COL24A1: variants seen among roughly 807,000 people sequenced by gnomAD.
The protein encoded by COL24A1 is collagen alpha-1(XXIV) chain.
COL24A1 carries 224 observed loss-of-function variants against 253.9 expected under a neutral mutation model. The ratio of observed to expected loss-of-function variants is 0.88; its 90% confidence interval spans 0.79 to 0.99. The LOEUF (loss-of-function observed/expected upper bound fraction) is 0.99. Ranked by LOEUF, COL24A1 falls within the 50% of genes least tolerant of loss-of-function variation. COL24A1 has a pLI of 0.00. For synonymous variants in COL24A1, 685 were observed against 673.7 expected, an observed-to-expected ratio of 1.02 and a Z score of -0.26; for missense variants, 2,131 against 2,068.5, an observed-to-expected ratio of 1.03 and a Z score of -0.59.
Position 85,730,624 on chromosome 1 carries a change from CA to C in COL24A1, c.5066del (p.Val1689GlyfsTer77). The C allele has an allele frequency of 6.2e-7, 1 of 1,613,976 alleles. No individual in the cohort carries two copies. Among genetic ancestry groups the C allele is most frequent in the South Asian group, 1.1e-5 (1 of 91,072 alleles). On this transcript the variant is annotated frameshift_variant, in exon 60 of 60. Transcript: ENST00000370571. LOFTEE classifies it high-confidence loss of function. ...FHTQEPNQLP[V>X]IEVQKLPHLK... is the part of the protein sequence containing the mutation. ...GATGAGGAAGTTTTTGTACTTCAAT[CA>C]CTGGAAGTTGATTAGGTTCCTGGGT...
chr1:85,827,887 C>A (rs374358301), intron 43 of COL24A1, among the ~76,000 whole-genome samples: 78 of 151,828 alleles, frequency 5.1e-4, no homozygotes, highest in Admixed American at 5.3e-4. Flanking sequence ...TGGATTCATT[C>A]ATTTTTTGAA....
At chr1:85,846,251 T>C (rs889008800) in intron 39 of COL24A1, among the ~76,000 whole-genome samples, 4 of 151,782 alleles carry the variant, frequency 2.6e-5, no homozygotes, top group African/African-American at 9.7e-5. Context: ...AAAACCTCCA[T>C]ACATCTTAAA....
chr1:85,945,000 GTGTTTTTTTTTT>G (rs1188508347), intron 24 of COL24A1, among the ~76,000 whole-genome samples: 1,045 of 36,048 alleles, frequency 0.029, 77 homozygotes, highest in African/African-American at 0.096. Context: ...GTCTATCATT[GTGTTTTTTTTTT>G]TTTTTTTTTT....
intron 25 of COL24A1, among the ~76,000 whole-genome samples, chr1:85,910,830 T>G (rs1035663512): frequency 6.6e-6 from 1 of 151,826 alleles, no homozygotes; most frequent in Non-Finnish European, 1.5e-5. Flanking sequence ...GACTATGTGG[T>G]ACTATTCTAA....
chr1:85,984,831 C>T (rs750000708), intron 20 of COL24A1, among the ~76,000 whole-genome samples: 1 of 151,804 alleles, frequency 6.6e-6, no homozygotes, highest in Non-Finnish European at 1.5e-5. Flanking sequence ...TCCTGAGTTG[C>T]CTATTTAAGT....
At chr1:85,969,421 A>G (rs1691900505) in intron 22 of COL24A1, among the ~76,000 whole-genome samples, 1 of 152,000 alleles carries the variant, frequency 6.6e-6, no homozygotes, top group African/African-American at 2.4e-5. Context: ...CCTGATCAAC[A>G]TGGTAAAACC....
chr1:86,049,154 T>C (rs1236611947), intron 11 of COL24A1, among the ~76,000 whole-genome samples: 1 of 152,216 alleles, frequency 6.6e-6, no homozygotes, highest in Non-Finnish European at 1.5e-5. Context: ...TTTTTTGCTA[T>C]TGAACAAAAC....
At position 85,960,883 on chromosome 1, in the gene COL24A1, CAATAAATAAATA is replaced by C. The variant is rs71078631; in HGVS notation, c.2562+354_2562+365del. 121 of 160,116 alleles carry C rather than the reference CAATAAATAAATA, an allele frequency of 7.6e-4. 1 individual carries two copies. The highest frequency in any genetic ancestry group is 2.8e-3 in the Middle Eastern group (1 of 354). The allele number at this position is 160,116 out of a possible 1,614,324, so 9.9% of individuals were successfully genotyped here. ...TGGGTGACAGAGCAAGACTCCATCT[CAATAAATAAATA>C]AATAAATAAATAAATAAATAAATAA... On this transcript the variant is annotated intron_variant, in intron 24 of 59. Transcript: ENST00000370571.
At chr1:85,787,277 A>G (rs959351114) in intron 47 of COL24A1, among the ~76,000 whole-genome samples, 1 of 151,764 alleles carries the variant, frequency 6.6e-6, no homozygotes, top group African/African-American at 2.4e-5. Flanking sequence ...AATGTGTGCC[A>G]TGGTGATTTG....
chr1:85,985,991 T>C (rs940182391), intron 20 of COL24A1, among the ~76,000 whole-genome samples: 10 of 151,872 alleles, frequency 6.6e-5, no homozygotes, highest in African/African-American at 2.4e-4. Flanking sequence ...CAAGTTTCTT[T>C]TTCCTGAATA....
chr1:86,099,799 G>T (rs750457302), intron 5 of COL24A1, among the ~76,000 whole-genome samples: 6 of 152,006 alleles, frequency 3.9e-5, no homozygotes, highest in Admixed American at 2.6e-4. Context: ...GTTTCCACCT[G>T]TCTCCCACCC....
chr1:85,888,861 C>T (rs1056010231), intron 32 of COL24A1, among the ~76,000 whole-genome samples: 3 of 151,932 alleles, frequency 2.0e-5, no homozygotes, highest in East Asian at 1.9e-4. Flanking sequence ...TTGTGTCAAC[C>T]GATAATAAAA....
At chr1:85,985,578 T>C (rs1693656025) in intron 20 of COL24A1, among the ~76,000 whole-genome samples, 2 of 151,814 alleles carry the variant, frequency 1.3e-5, no homozygotes, top group South Asian at 2.1e-4. Flanking sequence ...AAATGCCAGA[T>C]TGGAGGCAGG....
At chr1:85,783,177 T>C (rs891463015) in intron 51 of COL24A1, among the ~76,000 whole-genome samples, 2 of 152,180 alleles carry the variant, frequency 1.3e-5, no homozygotes, top group East Asian at 1.9e-4. Flanking sequence ...TCTGGTTGCA[T>C]TAATGCTTAT....
intron 53 of COL24A1, among the ~76,000 whole-genome samples, chr1:85,772,501 T>C (rs909298463): frequency 1.3e-5 from 2 of 152,008 alleles, no homozygotes; most frequent in Admixed American, 6.6e-5. Flanking sequence ...TAAAGACACA[T>C]GCACACGTAT....
chr1:86,112,566 C>T lies in COL24A1; in HGVS notation c.1599+1G>A, dbSNP rs753637346. ...AAGTTGCCTGATTAGTAGTCACTTA[C>T]CTTTGGACCAGGTAATCCAGGTAAA... On this transcript the variant is annotated splice_donor_variant, in intron 5 of 59. Coordinates refer to ENST00000370571, the MANE Select transcript of COL24A1 (RefSeq NM_152890.7). LOFTEE classifies it high-confidence loss of function. 2 of 1,612,250 alleles carry T rather than the reference C, an allele frequency of 1.2e-6. No homozygotes were observed. The highest frequency in any genetic ancestry group is 1.7e-6 in the Non-Finnish European group (2 of 1,178,920).
At chr1:86,131,146 G>A (rs963699730) in intron 2 of COL24A1, among the ~76,000 whole-genome samples, 1 of 151,922 alleles carries the variant, frequency 6.6e-6, no homozygotes, top group Admixed American at 6.6e-5. Flanking sequence ...CTCCTTACAA[G>A]TGACTCCGTA....
At chr1:85,764,506 CA>C (rs1667167004) in intron 53 of COL24A1, among the ~76,000 whole-genome samples, 4 of 142,420 alleles carry the variant, frequency 2.8e-5, no homozygotes, top group Admixed American at 7.1e-5. Context: ...ACACACACAC[CA>C]TATTCCTTAC....
chr1:85,799,510 G>A (rs1671206043), intron 47 of COL24A1, among the ~76,000 whole-genome samples: 2 of 151,586 alleles, frequency 1.3e-5, no homozygotes. Flanking sequence ...TATTACCACA[G>A]TAGGTTTGAG....
Sources: gnomAD v4.1 joint callset for allele counts (sites outside exome capture counted in the v4.1 genomes callset) on GRCh38, gnomAD v4.1.1 for gene constraint, MANE v1.5 for transcripts, NCBI Gene and HGNC (gene_info 2026-07-23, HGNC 2026-07-21) for gene names.